The following SLC9A7 variants were observed in gnomAD, a reference collection of about 807,000 sequenced individuals.
SLC9A7 encodes sodium/hydrogen exchanger 7.
A neutral mutation model predicts 52.6 loss-of-function variants in SLC9A7; 19 were observed. That is an observed-to-expected ratio of 0.36 (90% CI 0.25 to 0.53). The LOEUF (loss-of-function observed/expected upper bound fraction) is 0.53, where lower values mean the gene tolerates loss of function less well. Among genes scored for constraint, SLC9A7 ranks in the 20% least tolerant of loss-of-function variants. SLC9A7 has a pLI of 0.91. For missense variants in SLC9A7, 455 were observed against 597.9 expected (o/e 0.76, Z 2.49); for synonymous variants, 226 against 252.1 (o/e 0.90, Z 0.98).
intron 1 of SLC9A7, among the ~76,000 whole-genome samples, chrX:46,697,947 A>C (rs1296779596): frequency 9.0e-6 from 1 of 111,358 alleles, no homozygotes; most frequent in African/African-American, 3.3e-5. Flanking sequence ...GCCATCTCTT[A>C]TGGTCGAGAC....
At chrX:46,742,228 A>T (rs1340796633) in intron 1 of SLC9A7, among the ~76,000 whole-genome samples, 2 of 111,501 alleles carry the variant, frequency 1.8e-5, no homozygotes, top group Admixed American at 1.9e-4. Context: ...AAAGTTAAAC[A>T]TATGCCTACC....
chrX:46,725,869 T>C (rs1199413313), intron 1 of SLC9A7: 1 of 467,347 alleles, frequency 2.1e-6, no homozygotes, highest in African/African-American at 2.4e-5. Context: ...CATAAACCAC[T>C]TATTTCTTAT....
intron 16 of SLC9A7, among the ~76,000 whole-genome samples, chrX:46,611,701 C>T (rs759048794): frequency 2.7e-5 from 3 of 112,261 alleles, no homozygotes; most frequent in African/African-American, 9.7e-5. Context: ...AGGAGAGGTC[C>T]GAGGGCCTAG....
rs1942623321 is a variant in SLC9A7, at chrX:46,599,287, T to C, written c.*7665A>G. ...AAACTTTATTTACAAAAAAAGGCAG[T>C]GGGCTGGACTTGGTTCAGGAGCCAG... On this transcript the variant is annotated 3_prime_UTR_variant, in exon 17 of 17. Transcript: ENST00000616978. 2 of 111,701 alleles carry C rather than the reference T, an allele frequency of 1.8e-5. No homozygotes were observed. Among genetic ancestry groups the C allele is most frequent in the African/African-American group, 6.5e-5 (2 of 30,719 alleles). 9.2% of individuals were successfully genotyped at this position (111,701 alleles called of 1,213,427 possible).
chrX:46,707,911 T>C (rs1209019142), intron 1 of SLC9A7, among the ~76,000 whole-genome samples: 1 of 111,979 alleles, frequency 8.9e-6, no homozygotes, highest in Non-Finnish European at 1.9e-5. Flanking sequence ...AGCTAATCCT[T>C]GTATTTTTAG....
At chrX:46,633,380 A>C (rs890834486) in intron 13 of SLC9A7, among the ~76,000 whole-genome samples, 2 of 94,021 alleles carry the variant, frequency 2.1e-5, no homozygotes, top group African/African-American at 8.5e-5. Flanking sequence ...AAAAAAAAAA[A>C]ACAGATCGGG....
At chrX:46,619,073 A>G (rs1398205823) in intron 15 of SLC9A7, among the ~76,000 whole-genome samples, 3 of 112,632 alleles carry the variant, frequency 2.7e-5, no homozygotes, top group East Asian at 5.5e-4. Flanking sequence ...AAAGGCAGAC[A>G]ACTCAATAGA....
At chrX:46,745,558 T>C (rs1169636745) in intron 1 of SLC9A7, among the ~76,000 whole-genome samples, 1 of 112,295 alleles carries the variant, frequency 8.9e-6, no homozygotes, top group East Asian at 2.8e-4. Context: ...ATATGCTTAA[T>C]GAATGAAAGG....
chrX:46,685,928 A>T (rs775585392), intron 1 of SLC9A7, among the ~76,000 whole-genome samples: 2 of 111,720 alleles, frequency 1.8e-5, no homozygotes, highest in African/African-American at 6.5e-5. Flanking sequence ...TGCTTCATGT[A>T]ACTCATTGTT....
At chrX:46,660,877 A>T (rs1943804165) in intron 7 of SLC9A7, among the ~76,000 whole-genome samples, 2 of 109,401 alleles carry the variant, frequency 1.8e-5, no homozygotes, top group Admixed American at 2.0e-4. Flanking sequence ...TTGGGTATAT[A>T]CCCAAAGGAC....
At chrX:46,728,944 A>T (rs941052157) in intron 1 of SLC9A7, among the ~76,000 whole-genome samples, 1 of 112,579 alleles carries the variant, frequency 8.9e-6, no homozygotes, top group African/African-American at 3.2e-5. Context: ...ATAGAGACAG[A>T]AAACAGATCA....
chrX:46,618,542 G>A (rs1942989672), intron 15 of SLC9A7, among the ~76,000 whole-genome samples: 1 of 111,674 alleles, frequency 9.0e-6, no homozygotes, highest in African/African-American at 3.3e-5. Context: ...ATAGGAAATT[G>A]GCTTCATGAC....
At chrX:46,717,843 T>A (rs756046544) in intron 1 of SLC9A7, among the ~76,000 whole-genome samples, 4 of 111,585 alleles carry the variant, frequency 3.6e-5, no homozygotes, top group Non-Finnish European at 7.5e-5. Flanking sequence ...ATAGGAAGAA[T>A]CAATATCATG....
At chrX:46,703,625 G>A (rs1290846897) in intron 1 of SLC9A7, among the ~76,000 whole-genome samples, 1 of 111,346 alleles carries the variant, frequency 9.0e-6, no homozygotes, top group Admixed American at 9.6e-5. Flanking sequence ...CATGGGATAG[G>A]CGACACCACA....
intron 3 of SLC9A7, among the ~76,000 whole-genome samples, chrX:46,678,412 T>TTTTATTTA (rs368646149): frequency 0.25 from 22,489 of 90,810 alleles, 2,555 homozygotes; most frequent in African/African-American, 0.37. Flanking sequence ...TGGCATTTGT[T>TTTTATTTA]TTTATTTATT....
intron 12 of SLC9A7, among the ~76,000 whole-genome samples, chrX:46,642,080 A>C (rs1943414695): frequency 8.9e-6 from 1 of 112,215 alleles, no homozygotes; most frequent in East Asian, 2.8e-4. Context: ...AGTGGCTGGC[A>C]GCAGAAGTGG....
At chrX:46,722,208 G>A (rs1282748189) in intron 1 of SLC9A7, among the ~76,000 whole-genome samples, 1 of 111,111 alleles carries the variant, frequency 9.0e-6, no homozygotes, top group Non-Finnish European at 1.9e-5. Flanking sequence ...TATGAATGTG[G>A]GTTTCAAAAC....
At chrX:46,611,525 C>T (rs1325007044) in intron 16 of SLC9A7, among the ~76,000 whole-genome samples, 1 of 112,722 alleles carries the variant, frequency 8.9e-6, no homozygotes, top group Non-Finnish European at 1.9e-5. Context: ...GCTACTGCCA[C>T]ATTTGGTGAA....
At position 46,700,905 on chromosome X, in the gene SLC9A7, T is replaced by A. The variant is rs765011288; in HGVS notation, c.326-18370A>T. Among the ~76,000 whole-genome samples the A allele has an allele frequency of 3.6e-5, 4 of 111,941 alleles. No individual in the cohort carries two copies. The South Asian group carries it at 1.5e-3, about 42-fold the overall frequency. On this transcript the variant is annotated intron_variant, in intron 1 of 16. Coordinates refer to ENST00000616978, the MANE Select transcript of SLC9A7 (RefSeq NM_001257291.2). ...CTAACCCTTATTCCAGATATGTTTT[T>A]AAGTTTCTTTTTCCCTCTTCCCACA...
Sources: gnomAD v4.1 joint callset for allele counts (sites outside exome capture counted in the v4.1 genomes callset) on GRCh38, gnomAD v4.1.1 for gene constraint, MANE v1.5 for transcripts, NCBI Gene and HGNC (gene_info 2026-07-23, HGNC 2026-07-21) for gene names.